Variants in RAPGEF2 observed in about 807,000 individuals in gnomAD.
RAPGEF2 encodes the protein Rap guanine nucleotide exchange factor 2, also known as PDZ domain containing guanine nucleotide exchange factor (GEF) 1.
In RAPGEF2, 54 loss-of-function variants were observed where a neutral mutation model predicts 186.7. The ratio of observed to expected loss-of-function variants is 0.29; its 90% confidence interval spans 0.23 to 0.36. The LOEUF is 0.36. RAPGEF2 is among the 10% of genes least tolerant of loss of function. The probability of loss-of-function intolerance (pLI) is 1.00; values close to 1 mark genes in which losing one functional copy is unlikely to be tolerated. For missense variants in RAPGEF2, 1,532 were observed against 2,045.0 expected (o/e 0.75, Z 4.84); for synonymous variants, 712 against 705.9 (o/e 1.01, Z -0.14).
intron 1 of RAPGEF2, among the ~76,000 whole-genome samples, chr4:159,119,553 G>C (rs577050955): frequency 1.8e-4 from 27 of 152,330 alleles, no homozygotes; most frequent in African/African-American, 5.8e-4. Flanking sequence ...AGCTTATGCA[G>C]TGATTCTCAG....
intron 26 of RAPGEF2, chr4:159,351,059 G>A: frequency 1.3e-6 from 2 of 1,531,388 alleles, no homozygotes. Flanking sequence ...CTGTTGTTAG[G>A]TGGCAGTGGC....
intron 4 of RAPGEF2, among the ~76,000 whole-genome samples, chr4:159,221,600 G>T (rs556715507): frequency 1.4e-4 from 22 of 152,302 alleles, no homozygotes; most frequent in African/African-American, 5.1e-4. Context: ...GAGGAAAATG[G>T]ATATTGGGGC....
chr4:159,278,360 C>T (rs1165709015), intron 7 of RAPGEF2, among the ~76,000 whole-genome samples: 1 of 152,068 alleles, frequency 6.6e-6, no homozygotes, highest in African/African-American at 2.4e-5. Context: ...TGACCTGCTC[C>T]CACATTGGTT....
At chr4:159,352,985 T>A in intron 27 of RAPGEF2, 75 bp downstream of exon 27, 1 of 1,322,490 alleles carries the variant, frequency 7.6e-7, no homozygotes, top group Non-Finnish European at 1.0e-6. Context: ...TTTCTTCCAG[T>A]GTTTGTTTTT....
At chr4:159,198,175 A>G (rs1283986808) in intron 3 of RAPGEF2, among the ~76,000 whole-genome samples, 1 of 151,898 alleles carries the variant, frequency 6.6e-6, no homozygotes, top group Non-Finnish European at 1.5e-5. Context: ...GATCATTTTT[A>G]TAGCCCCCCA....
chr4:159,338,488 CTTTT>C lies in RAPGEF2; in HGVS notation c.2293+21_2293+24del. The stretch of plus-strand genomic sequence containing the variant: ...CTCCTGGTGAGTATCACCAACACTT[CTTTT>C]GTTTTCTTATAGTTATCTTTTTATT... On this transcript the variant is annotated intron_variant, in intron 18 of 29. Coordinates refer to ENST00000691494, the MANE Select transcript of RAPGEF2 (RefSeq NM_001394067.2). 1 of 1,585,214 alleles carries C rather than the reference CTTTT, an allele frequency of 6.3e-7. No individual in the cohort carries two copies. Among genetic ancestry groups the C allele is most frequent in the Non-Finnish European group, 8.6e-7 (1 of 1,158,780 alleles).
chr4:159,309,406 A>AT (rs1422311134), intron 8 of RAPGEF2, among the ~76,000 whole-genome samples: 2 of 151,942 alleles, frequency 1.3e-5, no homozygotes, highest in African/African-American at 4.8e-5. Flanking sequence ...TCTTGTCTCT[A>AT]TTTTTTCCCC....
intron 1 of RAPGEF2, among the ~76,000 whole-genome samples, chr4:159,115,129 T>C (rs1370827119): frequency 6.6e-6 from 1 of 152,128 alleles, no homozygotes; most frequent in Non-Finnish European, 1.5e-5. Context: ...TAGCCAACTA[T>C]CTTTCCGTTT....
intron 1 of RAPGEF2, among the ~76,000 whole-genome samples, chr4:159,168,019 T>C (rs965327310): frequency 1.3e-5 from 2 of 152,232 alleles, no homozygotes; most frequent in African/African-American, 2.4e-5. Context: ...TGTGTAAATA[T>C]GTATGATCTT....
chr4:159,317,727 C>A (rs1016753313), intron 9 of RAPGEF2, among the ~76,000 whole-genome samples: 7 of 151,908 alleles, frequency 4.6e-5, no homozygotes, highest in African/African-American at 7.3e-5. Flanking sequence ...TCTTTTTAAT[C>A]CCCTGTAGTT....
rs1766571944 is a variant in RAPGEF2, at chr4:159,330,698, A to G, written c.1467+200A>G. The G allele has an allele frequency of 3.5e-5, 17 of 492,152 alleles. 1 individual carries two copies. The South Asian group carries it at 5.2e-4, about 15-fold the overall frequency. 30.5% of individuals were successfully genotyped at this position (492,152 alleles called of 1,614,324 possible). On this transcript the variant is annotated intron_variant, in intron 13 of 29. Transcript: ENST00000691494. ...TCAGCCTTAGAAATATGAACAAAAT[A>G]TTAGTTCAGCCTTCTTTAAACACAA... is the stretch of plus-strand genomic sequence containing the variant.
At chr4:159,219,347 C>CTTTTTTTTTT (rs70962664) in intron 4 of RAPGEF2, among the ~76,000 whole-genome samples, 3 of 81,418 alleles carry the variant, frequency 3.7e-5, no homozygotes, top group Admixed American at 1.6e-4. Flanking sequence ...CAACTGTATC[C>CTTTTTTTTTT]TTTTTTTTTT....
chr4:159,133,857 A>G (rs1741399199), intron 1 of RAPGEF2, among the ~76,000 whole-genome samples: 1 of 152,120 alleles, frequency 6.6e-6, no homozygotes, highest in Admixed American at 6.5e-5. Flanking sequence ...TCCTGGGATT[A>G]CAGGCGTGAG....
At chr4:159,308,359 C>T (rs551643630) in intron 8 of RAPGEF2, among the ~76,000 whole-genome samples, 9 of 152,264 alleles carry the variant, frequency 5.9e-5, no homozygotes, top group Admixed American at 5.9e-4. Flanking sequence ...ATTGGCTGTG[C>T]AAAACTTAAC....
chr4:159,177,198 A>G (rs1034313224), intron 1 of RAPGEF2, among the ~76,000 whole-genome samples: 1 of 144,926 alleles, frequency 6.9e-6, no homozygotes, highest in East Asian at 1.9e-4. Flanking sequence ...TATAAGTATT[A>G]TAAGAATTCA....
chr4:159,212,595 A>G (rs1579478701), intron 4 of RAPGEF2, among the ~76,000 whole-genome samples: 2 of 152,212 alleles, frequency 1.3e-5, no homozygotes, highest in African/African-American at 4.8e-5. Flanking sequence ...AAATTCTTCA[A>G]AAAAGATTTA....
chr4:159,113,249 A>C (rs1443633827), intron 1 of RAPGEF2, among the ~76,000 whole-genome samples: 3 of 152,244 alleles, frequency 2.0e-5, no homozygotes, highest in Non-Finnish European at 4.4e-5. Flanking sequence ...TGAAATTTGA[A>C]TATTTAGATA....
chr4:159,338,218 AT>A, intron 17 of RAPGEF2, 92 bp from the exon 18 acceptor site: 1 of 1,169,170 alleles, frequency 8.6e-7, no homozygotes, highest in Non-Finnish European at 1.2e-6. Flanking sequence ...CAAAAAAAAA[AT>A]GGAATATGGT....
chr4:159,217,884 G>C (rs936135839), intron 4 of RAPGEF2, among the ~76,000 whole-genome samples: 2 of 152,106 alleles, frequency 1.3e-5, no homozygotes, highest in African/African-American at 4.8e-5. Context: ...CTGTGGCTTT[G>C]ATTTGCATTT....
Sources: gnomAD v4.1 joint callset for allele counts (sites outside exome capture counted in the v4.1 genomes callset) on GRCh38, gnomAD v4.1.1 for gene constraint, MANE v1.5 for transcripts, NCBI Gene and HGNC (gene_info 2026-07-23, HGNC 2026-07-21) for gene names.